The following CLCN1 variants were observed in gnomAD, a reference collection of about 807,000 sequenced individuals.
The protein encoded by CLCN1 is chloride voltage-gated channel 1, also known as chloride channel protein 1.
Under a neutral mutation model 114.5 loss-of-function variants are expected in CLCN1, and 100 were observed. That is an observed-to-expected ratio of 0.87 (90% CI 0.74 to 1.03). The LOEUF is 1.03. Ranked by LOEUF, CLCN1 falls within the 50% of genes least tolerant of loss-of-function variation. CLCN1 has a pLI of 0.00. For missense variants in CLCN1, 1,188 were observed against 1,250.0 expected, an observed-to-expected ratio of 0.95 and a Z score of 0.75; for synonymous variants, 485 against 487.1, an observed-to-expected ratio of 1.00 and a Z score of 0.06.
At chr7:143,320,422 G>A (rs1215902932) in intron 2 of CLCN1, among the ~76,000 whole-genome samples, 1 of 152,122 alleles carries the variant, frequency 6.6e-6, no homozygotes, top group Non-Finnish European at 1.5e-5. Context: ...TTTTGCAGGG[G>A]CCGGAGCAGC....
intron 16 of CLCN1, among the ~76,000 whole-genome samples, chr7:143,343,046 C>A (rs1387593135): frequency 1.3e-5 from 2 of 152,080 alleles, no homozygotes; most frequent in African/African-American, 4.8e-5. Flanking sequence ...AGGAAAAATA[C>A]AGGGCTGTGT....
chr7:143,332,618 G>A (rs909955627), intron 11 of CLCN1, 106 bp from the exon 12 acceptor site: 5 of 1,537,090 alleles, frequency 3.3e-6, no homozygotes, highest in African/African-American at 1.4e-5. Context: ...CCTGAGAAAA[G>A]GGCAAAAGAG....
At chr7:143,319,628 C>A in intron 1 of CLCN1, 127 bp from the exon 2 acceptor site, 1 of 939,892 alleles carries the variant, frequency 1.1e-6, no homozygotes, top group Non-Finnish European at 1.7e-6. Context: ...AGTCACCCTG[C>A]ATGCAGTCAA....
rs1208748906 is a variant in CLCN1, at chr7:143,319,793, G to A, written c.219G>A (p.Glu73=). 1 of 1,613,454 alleles carries A rather than the reference G, an allele frequency of 6.2e-7. No individual in the cohort carries two copies. Among genetic ancestry groups the A allele is most frequent in the South Asian group, 1.1e-5 (1 of 91,062 alleles). ...GHHKEQFSDR[E]QDIGMPKKTG... is the part of the protein sequence containing the mutation. ...ACAAAGAACAATTCTCAGACAGGGA[G>A]CAGGACATAGGGATGCCCAAGAAGA... Residue 73 remains glutamate, a synonymous_variant, in exon 2 of 23, where the codon GAG becomes GAA. Coordinates refer to ENST00000343257, the MANE Select transcript of CLCN1 (RefSeq NM_000083.3).
intron 7 of CLCN1, among the ~76,000 whole-genome samples, chr7:143,330,295 G>A (rs540076517): frequency 3.9e-5 from 6 of 152,198 alleles, no homozygotes; most frequent in East Asian, 3.9e-4. Context: ...TATGTAGAAC[G>A]GTAGGAAAGT....
At chr7:143,340,434 A>G (rs907209473) in intron 14 of CLCN1, among the ~76,000 whole-genome samples, 2 of 152,192 alleles carry the variant, frequency 1.3e-5, no homozygotes, top group Non-Finnish European at 2.9e-5. Flanking sequence ...TGCAATATCC[A>G]ATAGTGTCAT....
chr7:143,327,223 G>A lies in CLCN1; in HGVS notation c.853+2731G>A, dbSNP rs547919386. Among the ~76,000 whole-genome samples, 226 of 151,594 alleles carry A rather than the reference G, an allele frequency of 1.5e-3. 2 individuals are homozygous for A. Among genetic ancestry groups the A allele is most frequent in the Non-Finnish European group, 2.2e-3 (152 of 67,938 alleles). ...ATCGCGCGTCACTGCACTCCAGTCCGGGCAACAGAGTGAGACTCCATCTTA... is the reference window on the plus strand; with the variant it reads ...ATCGCGCGTCACTGCACTCCAGTCCAGGCAACAGAGTGAGACTCCATCTTA... On this transcript the variant is annotated intron_variant, in intron 7 of 22. Coordinates refer to ENST00000343257, the MANE Select transcript of CLCN1 (RefSeq NM_000083.3).
rs754052640 is a variant in CLCN1 at position 143,320,692 on chromosome 7, G to A, written c.330G>A (p.Val110=). ...QDCIHRLGQV[V]RRKLGEDGIF... Reference sequence around the variant, plus strand: ...GTATCCACCGCCTGGGACAGGTGGTGAGAAGAAAATTAGGGGAAGACGGGA... The same window carrying A: ...GTATCCACCGCCTGGGACAGGTGGTAAGAAGAAAATTAGGGGAAGACGGGA... Residue 110 remains valine (V), a synonymous_variant, in exon 3 of 23, where the codon GTG becomes GTA. Coordinates refer to ENST00000343257, the MANE Select transcript of CLCN1 (RefSeq NM_000083.3). 1 of 1,613,704 alleles carries A rather than the reference G, an allele frequency of 6.2e-7. No homozygotes were observed. Among genetic ancestry groups the A allele is most frequent in the Non-Finnish European group, 8.5e-7 (1 of 1,179,780 alleles).
chr7:143,350,585 A>G lies in CLCN1; in HGVS notation c.2526A>G (p.Ser842=). 2.1e-5 allele frequency: 34 copies of G among 1,613,594 alleles called. No homozygotes were observed. The highest frequency in any genetic ancestry group is 2.9e-5 in the Non-Finnish European group (34 of 1,179,900). The change falls in exon 22 of 23, where the codon TCA becomes TCG. Residue 842 remains serine, a synonymous_variant. Coordinates refer to ENST00000343257, the MANE Select transcript of CLCN1 (RefSeq NM_000083.3). The surrounding 1 kb of genome is among the most constrained non-coding windows in gnomAD (Gnocchi z 5.1). ...ATCCTCAGACTCATACCCTGTTTTC[A>G]CTCCTTGGCCTCCACCTCGCTTACG... ...TTLHKTHTLF[S]LLGLHLAYVT... is the part of the protein sequence containing the mutation.
At chr7:143,327,421 C>T (rs1173577921) in intron 7 of CLCN1, among the ~76,000 whole-genome samples, 4 of 152,030 alleles carry the variant, frequency 2.6e-5, no homozygotes, top group Non-Finnish European at 4.4e-5. Context: ...GAATTAAAGT[C>T]ATGAAATACT....
chr7:143,350,670 C>T lies in CLCN1; in HGVS notation c.2595+16C>T. The T allele has an allele frequency of 6.3e-7, 1 of 1,599,148 alleles. No individual in the cohort carries two copies. The highest frequency in any genetic ancestry group is 8.6e-7 in the Non-Finnish European group (1 of 1,166,608). On this transcript the variant is annotated intron_variant, in intron 22 of 22. Coordinates refer to ENST00000343257, the MANE Select transcript of CLCN1 (RefSeq NM_000083.3). The surrounding 1 kb of genome is among the most constrained non-coding windows in gnomAD (Gnocchi z 5.1). ...CCTGGAGGAGGTAATCACGATGTGT[C>T]CCATTTGAGCAGCAGGAGGGAGGCT...
chr7:143,346,666 G>A lies in CLCN1; in HGVS notation c.2364+8G>A, dbSNP rs763160506. The A allele has an allele frequency of 1.2e-6, 2 of 1,609,636 alleles. No individual in the cohort carries two copies. The highest frequency in any genetic ancestry group is 1.7e-6 in the Non-Finnish European group (2 of 1,176,644). On this transcript the variant is annotated splice_region_variant and intron_variant, in intron 19 of 22. Coordinates refer to ENST00000343257, the MANE Select transcript of CLCN1 (RefSeq NM_000083.3). ...AAGAAGAAAACAACCCAGGTGAGAG[G>A]AGATGTGTTTGGGGATACAGGGGAA...
At chr7:143,341,095 G>A (rs1171204093) in intron 14 of CLCN1, among the ~76,000 whole-genome samples, 1 of 152,106 alleles carries the variant, frequency 6.6e-6, no homozygotes, top group African/African-American at 2.4e-5. Context: ...GAGGAATTAA[G>A]CTCTACTCAT....
At chr7:143,331,036 G>A (rs922974982) in intron 8 of CLCN1, 139 bp downstream of exon 8, 9 of 1,315,290 alleles carry the variant, frequency 6.8e-6, no homozygotes, top group Admixed American at 3.5e-5. Context: ...GCCCAAGGGT[G>A]TATGACAAAG....
chr7:143,337,201 C>T (rs559798637), intron 12 of CLCN1, among the ~76,000 whole-genome samples: 1 of 152,282 alleles, frequency 6.6e-6, no homozygotes, highest in East Asian at 1.9e-4. Flanking sequence ...ACTATTTGTT[C>T]AGCCCATCTT....
chr7:143,322,428 C>T (rs1408022148), intron 5 of CLCN1, among the ~76,000 whole-genome samples: 1 of 152,192 alleles, frequency 6.6e-6, no homozygotes, highest in Non-Finnish European at 1.5e-5. Flanking sequence ...CACCCAGCAG[C>T]CAGAGGCATC....
At chr7:143,342,542 G>T in intron 16 of CLCN1, 37 bp downstream of exon 16, 1 of 1,612,208 alleles carries the variant, frequency 6.2e-7, no homozygotes, top group South Asian at 1.1e-5. Context: ...CAGAGCTAGT[G>T]ACCTGAATAA....
In CLCN1 at chr7:143,345,697, G is replaced by C. The variant is rs1324987162; in HGVS notation, c.2107G>C (p.Gly703Arg). 6.4e-7 allele frequency: 1 copy of C among 1,559,742 alleles called. No homozygotes were observed. The highest frequency in any genetic ancestry group is 8.7e-7 in the Non-Finnish European group (1 of 1,153,474). The change falls in exon 17 of 23, where the codon GGC becomes CGC. Residue 703 changes from glycine (G) to arginine (R), a missense_variant. Physicochemically the swap from Gly to Arg is moderately radical, Grantham distance 125 (BLOSUM62 -2). Transcript: ENST00000343257. Reference sequence around the variant, plus strand: ...GGAGGGGCTCCCCGGCGCGCCTCCAGGCCGGCCCGAGTCCTTCGCCTTTGT... The same window carrying C: ...GGAGGGGCTCCCCGGCGCGCCTCCACGCCGGCCCGAGTCCTTCGCCTTTGT... ...AGEGLPGAPPGRPESFAFVDE... is the reference protein window; with the variant it reads ...AGEGLPGAPPRRPESFAFVDE...
rs557337488 is a variant in CLCN1 at position 143,336,636 on chromosome 7, A to G, written c.1402-2617A>G. Among the ~76,000 whole-genome samples, 481 of 112,586 alleles carry G rather than the reference A, an allele frequency of 4.3e-3. 2 individuals are homozygous for G. Among genetic ancestry groups the G allele is most frequent in the African/African-American group, 0.014 (434 of 30,038 alleles). 73.9% of individuals were successfully genotyped at this position (112,586 alleles called of 152,430 possible). On this transcript the variant is annotated intron_variant, in intron 12 of 22. Coordinates refer to ENST00000343257, the MANE Select transcript of CLCN1 (RefSeq NM_000083.3). ...AAAAAAAAAAAAAAAGAAGAAGAAG[A>G]AAAAAAAAGGAAGGAAGGAAGGGAA...
Sources: allele counts gnomAD v4.1 joint callset (sites outside exome capture counted in the v4.1 genomes callset), GRCh38; gene constraint gnomAD v4.1.1; non-coding constraint Gnocchi (gnomAD v3.1); transcripts MANE v1.5; gene names NCBI Gene and HGNC (gene_info 2026-07-23, HGNC 2026-07-21).